FHIT: variants seen among roughly 807,000 people sequenced by gnomAD.
FHIT encodes the protein fragile histidine triad diadenosine triphosphatase.
Under a neutral mutation model 17.9 loss-of-function variants are expected in FHIT, and 19 were observed. The ratio of observed to expected loss-of-function variants is 1.06; its 90% confidence interval spans 0.74 to 1.56. FHIT has a LOEUF of 1.56. Among genes scored for constraint, FHIT ranks in the 40% most tolerant of loss-of-function variants. The probability of loss-of-function intolerance (pLI) is 0.00; values close to 1 mark genes in which losing one functional copy is unlikely to be tolerated. For synonymous variants in FHIT, 81 were observed against 69.7 expected, an observed-to-expected ratio of 1.16 and a Z score of -0.81; for missense variants, 248 against 189.2, an observed-to-expected ratio of 1.31 and a Z score of -1.82.
At chr3:60,225,790 G>A (rs1704170276) in intron 5 of FHIT, among the ~76,000 whole-genome samples, 1 of 152,156 alleles carries the variant, frequency 6.6e-6, no homozygotes, top group African/African-American at 2.4e-5. Flanking sequence ...GGAGCAAATA[G>A]ATGACCTCAG....
intron 5 of FHIT, among the ~76,000 whole-genome samples, chr3:60,457,112 C>T (rs1179933481): frequency 2.6e-5 from 4 of 152,050 alleles, no homozygotes; most frequent in South Asian, 2.1e-4. Flanking sequence ...AAACAGAGCC[C>T]GTATTGCCAA....
At chr3:60,897,710 T>A (rs1705901542) in intron 3 of FHIT, among the ~76,000 whole-genome samples, 1 of 152,206 alleles carries the variant, frequency 6.6e-6, no homozygotes, top group South Asian at 2.1e-4. Flanking sequence ...CTTCATTTCC[T>A]AGCTGCATCC....
intron 5 of FHIT, among the ~76,000 whole-genome samples, chr3:60,142,419 T>C (rs1214804752): frequency 6.6e-6 from 1 of 152,242 alleles, no homozygotes; most frequent in African/African-American, 2.4e-5. Flanking sequence ...ATAGTGGTAG[T>C]AAATTGTTGC....
intron 4 of FHIT, among the ~76,000 whole-genome samples, chr3:60,583,138 G>A (rs1553660317): frequency 6.6e-6 from 1 of 151,866 alleles, no homozygotes; most frequent in Admixed American, 6.6e-5. Flanking sequence ...AAACTGAAAG[G>A]AGGTGATTCG....
intron 7 of FHIT, among the ~76,000 whole-genome samples, chr3:59,977,575 G>C (rs1482706286): frequency 1.3e-5 from 2 of 152,160 alleles, no homozygotes; most frequent in Non-Finnish European, 2.9e-5. Flanking sequence ...TTTGTGTCAG[G>C]ACTGAACAAG....
intron 8 of FHIT, among the ~76,000 whole-genome samples, chr3:59,770,237 T>G (rs1264633293): frequency 6.6e-6 from 1 of 152,218 alleles, no homozygotes; most frequent in African/African-American, 2.4e-5. Context: ...CAACCCTATG[T>G]GGTAATTAGT....
intron 4 of FHIT, among the ~76,000 whole-genome samples, chr3:60,550,979 A>G (rs1222325235): frequency 2.0e-5 from 3 of 152,160 alleles, no homozygotes; most frequent in African/African-American, 7.2e-5. Flanking sequence ...GTGGCTGCCT[A>G]AGTGTCAAAG....
At position 60,924,903 on chromosome 3, in the gene FHIT, G is replaced by T. The variant is rs138517919; in HGVS notation, c.-110-102892C>A. Among the ~76,000 whole-genome samples, 4 of 152,166 alleles carry T rather than the reference G, an allele frequency of 2.6e-5. No homozygotes were observed. The South Asian group carries it at 8.3e-4, about 31-fold the overall frequency. On this transcript the variant is annotated intron_variant, in intron 3 of 9. Coordinates refer to ENST00000492590, the MANE Select transcript of FHIT (RefSeq NM_002012.4). Reference sequence around the variant, plus strand: ...CTGAAAACCACGGCACCAGAACTACGTGACGAATACACAAGTCTCAGTAGC... The same window carrying T: ...CTGAAAACCACGGCACCAGAACTACTTGACGAATACACAAGTCTCAGTAGC...
At chr3:60,471,864 C>T (rs2033104478) in intron 5 of FHIT, among the ~76,000 whole-genome samples, 1 of 152,104 alleles carries the variant, frequency 6.6e-6, no homozygotes, top group East Asian at 1.9e-4. Context: ...TAAGCATGGC[C>T]ATGGAATCTT....
At chr3:61,158,921 T>C (rs1056723315) in intron 2 of FHIT, among the ~76,000 whole-genome samples, 1 of 152,226 alleles carries the variant, frequency 6.6e-6, no homozygotes, top group Non-Finnish European at 1.5e-5. Context: ...TCTCCACTGC[T>C]GCAACAAAGG....
intron 4 of FHIT, among the ~76,000 whole-genome samples, chr3:60,713,876 C>T (rs1482455946): frequency 6.6e-6 from 1 of 151,492 alleles, no homozygotes; most frequent in Non-Finnish European, 1.5e-5. Flanking sequence ...TGGTACCATT[C>T]CTTCTGAAAC....
At chr3:59,757,756 C>T (rs774679176) in intron 8 of FHIT, among the ~76,000 whole-genome samples, 8 of 152,122 alleles carry the variant, frequency 5.3e-5, no homozygotes, top group Non-Finnish European at 1.0e-4. Flanking sequence ...CATACAGAAG[C>T]AGAGAGCTTA....
intron 3 of FHIT, among the ~76,000 whole-genome samples, chr3:60,868,827 CAAGT>C (rs1300833575): frequency 2.0e-5 from 3 of 152,106 alleles, no homozygotes; most frequent in Non-Finnish European, 2.9e-5. Flanking sequence ...ATGAAAATAT[CAAGT>C]AACAACTCAA....
intron 3 of FHIT, among the ~76,000 whole-genome samples, chr3:60,997,642 T>G (rs2030769607): frequency 6.6e-6 from 1 of 152,132 alleles, no homozygotes; most frequent in Non-Finnish European, 1.5e-5. Context: ...ATTACAGTAT[T>G]TACATTACTG....
At chr3:60,379,950 T>C (rs1415676072) in intron 5 of FHIT, among the ~76,000 whole-genome samples, 1 of 152,188 alleles carries the variant, frequency 6.6e-6, no homozygotes, top group East Asian at 1.9e-4. Context: ...ATATAACCTT[T>C]AAGGTATTCA....
In FHIT at chr3:60,570,735, A is replaced by AT. The variant is rs2037346334; in HGVS notation, c.-17-33757dup. On this transcript the variant is annotated intron_variant, in intron 4 of 9. Transcript: ENST00000492590. ...GAAACAATACTTAGTACATTAAAAA[A>AT]TTAAAAAAAAAAAAAAAAAACTATC... is the stretch of plus-strand genomic sequence containing the variant. 5.8e-5 allele frequency among the ~76,000 whole-genome samples: 4 copies of AT among 68,440 alleles called. No individual in the cohort carries two copies. In the South Asian group the frequency reaches 3.6e-3, roughly 61 times the overall value. 44.9% of individuals were successfully genotyped at this position (68,440 alleles called of 152,430 possible).
intron 3 of FHIT, among the ~76,000 whole-genome samples, chr3:60,925,643 C>G (rs1707554892): frequency 6.6e-6 from 1 of 152,210 alleles, no homozygotes; most frequent in South Asian, 2.1e-4. Context: ...TAGGAAGAAA[C>G]TGCATCAACT....
intron 8 of FHIT, among the ~76,000 whole-genome samples, chr3:59,788,362 C>G (rs1012362597): frequency 1.3e-5 from 2 of 152,148 alleles, no homozygotes; most frequent in African/African-American, 2.4e-5. Flanking sequence ...GATGCTGTAT[C>G]CAGGGCAGAA....
At chr3:60,165,601 GAAGACT>G (rs925739509) in intron 5 of FHIT, among the ~76,000 whole-genome samples, 4 of 152,114 alleles carry the variant, frequency 2.6e-5, no homozygotes, top group African/African-American at 9.7e-5. Context: ...GATACAAAAT[GAAGACT>G]AAGACTAAGA....
Sources: allele counts gnomAD v4.1 joint callset (sites outside exome capture counted in the v4.1 genomes callset), GRCh38; gene constraint gnomAD v4.1.1; transcripts MANE v1.5; gene names NCBI Gene and HGNC (gene_info 2026-07-23, HGNC 2026-07-21).